The following SLC39A14 variants were observed in gnomAD, a reference collection of about 807,000 sequenced individuals.
SLC39A14 encodes metal cation symporter ZIP14.
Under a neutral mutation model 45.5 loss-of-function variants are expected in SLC39A14, and 19 were observed. The ratio of observed to expected loss-of-function variants is 0.42; its 90% confidence interval spans 0.29 to 0.61. The LOEUF is 0.61. Among genes scored for constraint, SLC39A14 ranks in the 20% least tolerant of loss-of-function variants. The probability of loss-of-function intolerance (pLI) is 0.22; values close to 1 mark genes in which losing one functional copy is unlikely to be tolerated. For missense variants in SLC39A14, 447 were observed against 616.5 expected, an observed-to-expected ratio of 0.73 and a Z score of 2.91; for synonymous variants, 264 against 251.3, an observed-to-expected ratio of 1.05 and a Z score of -0.48.
At chr8:22,386,852 G>T (rs1238866003) in intron 1 of SLC39A14, among the ~76,000 whole-genome samples, 1 of 152,126 alleles carries the variant, frequency 6.6e-6, no homozygotes, top group Non-Finnish European at 1.5e-5. Flanking sequence ...TTCCTGGAGG[G>T]GGCCTTGAAG....
At chr8:22,376,999 TTA>T (rs1833254025) in intron 1 of SLC39A14, among the ~76,000 whole-genome samples, 2 of 152,210 alleles carry the variant, frequency 1.3e-5, no homozygotes, top group South Asian at 4.1e-4. Context: ...TCCCCTAATT[TTA>T]GCACCCATCT....
chr8:22,397,436 G>A (rs1834557113), intron 1 of SLC39A14, among the ~76,000 whole-genome samples: 1 of 152,182 alleles, frequency 6.6e-6, no homozygotes, highest in Non-Finnish European at 1.5e-5. Context: ...AAATTAGCTG[G>A]GCGTGGTGGT....
intron 1 of SLC39A14, among the ~76,000 whole-genome samples, chr8:22,380,779 T>C (rs1036420232): frequency 6.7e-6 from 1 of 148,780 alleles, no homozygotes; most frequent in Non-Finnish European, 1.5e-5. Flanking sequence ...CGGGCTCAAG[T>C]GATCCTTCCA....
At chr8:22,384,608 C>T (rs932955297) in intron 1 of SLC39A14, among the ~76,000 whole-genome samples, 2 of 151,748 alleles carry the variant, frequency 1.3e-5, no homozygotes, top group Non-Finnish European at 2.9e-5. Context: ...ATTAGCCAGG[C>T]GTGGTGGTGG....
downstream of SLC39A14, among the ~76,000 whole-genome samples, chr8:22,427,148 C>T (rs1025371967): frequency 2.0e-5 from 3 of 151,808 alleles, no homozygotes; most frequent in South Asian, 4.1e-4. Flanking sequence ...CAAAATTAGC[C>T]GGGTGTGGTG....
chr8:22,412,248 G>T (rs768596917), intron 4 of SLC39A14, 42 bp downstream of exon 4: 2 of 1,542,852 alleles, frequency 1.3e-6, no homozygotes, highest in Non-Finnish European at 1.8e-6. Context: ...ATGCCGGCGG[G>T]CACAGTGGGA....
rs540073705 is a variant in SLC39A14, at chr8:22,402,023, ATTAAT to A, written c.-15-2671_-15-2667del. On this transcript the variant is annotated intron_variant, in intron 1 of 8. Transcript: ENST00000381237. ...TTTTGGATTACTTCTATTAAAGCAAATTAATTAATTATTAATTGTTAATTGAGGGA... is the reference window on the plus strand; with the variant it reads ...TTTTGGATTACTTCTATTAAAGCAAATAATTATTAATTGTTAATTGAGGGA... 9.2e-5 allele frequency among the ~76,000 whole-genome samples: 14 copies of A among 152,280 alleles called. 1 individual carries two copies. The South Asian group carries it at 2.5e-3, about 27-fold the overall frequency.
At chr8:22,371,927 T>TA (rs1225782947) in intron 1 of SLC39A14, among the ~76,000 whole-genome samples, 1 of 151,358 alleles carries the variant, frequency 6.6e-6, no homozygotes, top group Non-Finnish European at 1.5e-5. Flanking sequence ...GTATTTTTAG[T>TA]AGAGACGAGG....
chr8:22,424,432 C>T (rs1394676419), downstream of SLC39A14, among the ~76,000 whole-genome samples: 1 of 152,174 alleles, frequency 6.6e-6, no homozygotes, highest in African/African-American at 2.4e-5. Flanking sequence ...TTAGTCCTTC[C>T]TTTGTTAAAA....
downstream of SLC39A14, among the ~76,000 whole-genome samples, chr8:22,423,786 TTCTCTCTCTCTC>T (rs58420252): frequency 8.2e-6 from 1 of 122,170 alleles, no homozygotes; most frequent in South Asian, 3.2e-4. Flanking sequence ...TTTAATTGGT[TTCTCTCTCTCTC>T]TCTCTCTCTC....
intron 1 of SLC39A14, among the ~76,000 whole-genome samples, chr8:22,374,740 C>CTTTTTTTTTTT (rs67116858): frequency 9.6e-6 from 1 of 104,038 alleles, no homozygotes; most frequent in Non-Finnish European, 1.9e-5. Context: ...CCAGCCTGCT[C>CTTTTTTTTTTT]TTTTTTTTTT....
intron 2 of SLC39A14, among the ~76,000 whole-genome samples, chr8:22,406,385 G>A (rs944850328): frequency 7.0e-6 from 1 of 142,740 alleles, no homozygotes; most frequent in Middle Eastern, 3.2e-3. Flanking sequence ...GGAGGTGGAG[G>A]CCTCAAAAGT....
At chr8:22,382,246 CA>C (rs531096772) in intron 1 of SLC39A14, among the ~76,000 whole-genome samples, 17 of 152,056 alleles carry the variant, frequency 1.1e-4, no homozygotes, top group Non-Finnish European at 1.9e-4. Flanking sequence ...CAAAGAAATG[CA>C]GGTTAAAATA....
chr8:22,370,297 A>G (rs1158540342), intron 1 of SLC39A14, among the ~76,000 whole-genome samples: 1 of 152,092 alleles, frequency 6.6e-6, no homozygotes, highest in Non-Finnish European at 1.5e-5. Flanking sequence ...CCAAGAGGAA[A>G]CTCAATCCCT....
intron 1 of SLC39A14, among the ~76,000 whole-genome samples, chr8:22,404,004 C>T (rs550913432): frequency 6.6e-6 from 1 of 152,320 alleles, no homozygotes; most frequent in South Asian, 2.1e-4. Context: ...TGAATATCAG[C>T]TCATGCCTGA....
At chr8:22,425,885 T>TTTTTTG (rs1399690476), downstream of SLC39A14, among the ~76,000 whole-genome samples, 3 of 127,928 alleles carry the variant, frequency 2.3e-5, no homozygotes, top group East Asian at 6.3e-4. Flanking sequence ...TCTAGATGGT[T>TTTTTTG]TTTGTTTTTT....
At chr8:22,373,427 G>C (rs1040574915) in intron 1 of SLC39A14, among the ~76,000 whole-genome samples, 1 of 152,042 alleles carries the variant, frequency 6.6e-6, no homozygotes, top group African/African-American at 2.4e-5. Flanking sequence ...TAAATTTGCT[G>C]TTAAGAAGTC....
chr8:22,376,155 A>G (rs377395904), intron 1 of SLC39A14, among the ~76,000 whole-genome samples: 7 of 151,962 alleles, frequency 4.6e-5, no homozygotes, highest in Non-Finnish European at 8.8e-5. Context: ...AGAGGTATTC[A>G]TCATGTCACA....
chr8:22,394,397 A>G lies in SLC39A14; in HGVS notation c.-15-10299A>G, dbSNP rs148723182. ...TGGAGTGCAGTGATCTCGGCTCACTACAAGCTCCACCTCCCGAGTTCACGC... is the reference window on the plus strand; with the variant it reads ...TGGAGTGCAGTGATCTCGGCTCACTGCAAGCTCCACCTCCCGAGTTCACGC... On this transcript the variant is annotated intron_variant, in intron 1 of 8. Transcript: ENST00000381237. Among the ~76,000 whole-genome samples, 1,367 of 143,356 alleles carry G rather than the reference A, an allele frequency of 9.5e-3. 18 individuals carry two copies. Among genetic ancestry groups the G allele is most frequent in the African/African-American group, 0.034 (1,305 of 38,236 alleles). 94.0% of individuals were successfully genotyped at this position (143,356 alleles called of 152,430 possible). A position where few individuals can be genotyped will look rare whatever the true frequency, so the allele number is the denominator to read the frequency against.
Sources: gnomAD v4.1 joint callset for allele counts (sites outside exome capture counted in the v4.1 genomes callset) on GRCh38, gnomAD v4.1.1 for gene constraint, MANE v1.5 for transcripts, NCBI Gene and HGNC (gene_info 2026-07-23, HGNC 2026-07-21) for gene names.